Variants in HDAC4 observed in about 807,000 individuals in gnomAD.
The protein encoded by HDAC4 is histone deacetylase 4.
A neutral mutation model predicts 135.1 loss-of-function variants in HDAC4; 16 were observed. The observed-to-expected ratio is 0.12, with a 90% CI of 0.08 to 0.18. The LOEUF (loss-of-function observed/expected upper bound fraction) is 0.18, where lower values mean the gene tolerates loss of function less well. Ranked by LOEUF, HDAC4 falls within the 10% of genes least tolerant of loss-of-function variation. HDAC4 has a pLI of 1.00. For missense variants in HDAC4, 1,143 were observed against 1,511.8 expected, an observed-to-expected ratio of 0.76 and a Z score of 4.05; for synonymous variants, 685 against 653.4, an observed-to-expected ratio of 1.05 and a Z score of -0.74.
Position 239,139,896 on chromosome 2 carries a change from G to T in HDAC4, c.866-100C>A. 1 of 868,268 alleles carries T rather than the reference G, an allele frequency of 1.2e-6. No individual in the cohort carries two copies. The highest frequency in any genetic ancestry group is 1.9e-6 in the Non-Finnish European group (1 of 523,948). 53.8% of individuals were successfully genotyped at this position (868,268 alleles called of 1,614,324 possible). A position where few individuals can be genotyped will look rare whatever the true frequency, so the allele number is the denominator to read the frequency against. On this transcript the variant is annotated intron_variant, in intron 8 of 26. Transcript: ENST00000543185. This position sits in a 1 kb window ranked among gnomAD's most constrained non-coding sequence, Gnocchi z 5.3. ...CCCGGTGCCTTCCACGGACCTGCTC[G>T]TTAGCTTGCGACAGGCAGAAGTCCC...
intron 2 of HDAC4, among the ~76,000 whole-genome samples, chr2:239,290,944 T>C (rs534300849): frequency 3.9e-5 from 6 of 152,322 alleles, no homozygotes; most frequent in African/African-American, 1.4e-4. Flanking sequence ...GGTGGGGATT[T>C]TTCTTTAAAA....
chr2:239,196,268 T>C (rs2045373199), intron 3 of HDAC4, among the ~76,000 whole-genome samples: 1 of 152,132 alleles, frequency 6.6e-6, no homozygotes, highest in South Asian at 2.1e-4. Context: ...CCATCCATGC[T>C]GAAGAACAAG....
At chr2:239,372,530 C>T (rs1187836726) in intron 1 of HDAC4, among the ~76,000 whole-genome samples, 7 of 152,190 alleles carry the variant, frequency 4.6e-5, no homozygotes, top group African/African-American at 9.7e-5. Context: ...TCTGTGAGTG[C>T]CCAAAGACTC....
In HDAC4 at chr2:239,400,753, G is replaced by C. The variant is rs1342310200; in HGVS notation, c.-220+225C>G. The C allele has an allele frequency of 1.4e-5, 2 of 145,428 alleles. No individual in the cohort carries two copies. The highest frequency in any genetic ancestry group is 3.1e-5 in the Non-Finnish European group (2 of 65,476). The allele number at this position is 145,428 out of a possible 1,614,324, so 9.0% of individuals were successfully genotyped here. ...CGGCGCTCCGCGCCGCATCTCCTCA[G>C]CCTGCGCCGCCACCCGCCGGCGCGC... On this transcript the variant is annotated intron_variant, in intron 1 of 26. Transcript: ENST00000543185. The surrounding 1 kb of genome is among the most constrained non-coding windows in gnomAD (Gnocchi z 4.7).
At chr2:239,225,521 G>C (rs898199675) in intron 3 of HDAC4, among the ~76,000 whole-genome samples, 2 of 152,230 alleles carry the variant, frequency 1.3e-5, no homozygotes, top group African/African-American at 2.4e-5. Context: ...CCACCCCAGG[G>C]GGGGATGAGA....
chr2:239,134,730 C>T, intron 9 of HDAC4, 87 bp from the exon 10 acceptor site: 1 of 949,782 alleles, frequency 1.1e-6, no homozygotes, highest in Admixed American at 1.7e-5. Context: ...ATGAAAACAC[C>T]TGCACTGAAT....
Position 239,352,540 on chromosome 2 carries a change from C to G in HDAC4, c.22+138G>C. On this transcript the variant is annotated intron_variant, in intron 2 of 26. Coordinates refer to ENST00000543185, the MANE Select transcript of HDAC4 (RefSeq NM_001378414.1). This position sits in a 1 kb window ranked among gnomAD's most constrained non-coding sequence, Gnocchi z 4.4. ...TAAACCATCCATTTTGCACTTTGTG[C>G]TGTCAAAAACCAACAGTGACCACTA... is the stretch of plus-strand genomic sequence containing the variant. The G allele has an allele frequency of 1.3e-6, 1 of 783,034 alleles. No individual in the cohort carries two copies. Among genetic ancestry groups the G allele is most frequent in the Non-Finnish European group, 2.2e-6 (1 of 455,568 alleles). The allele number at this position is 783,034 out of a possible 1,614,324, so 48.5% of individuals were successfully genotyped here. A position where few individuals can be genotyped will look rare whatever the true frequency, so the allele number is the denominator to read the frequency against.
chr2:239,105,796 A>G (rs2038073215), intron 15 of HDAC4, among the ~76,000 whole-genome samples: 2 of 152,056 alleles, frequency 1.3e-5, no homozygotes, highest in South Asian at 4.2e-4. Flanking sequence ...CACTCTAACC[A>G]TGCCCCGTAC....
intron 7 of HDAC4, among the ~76,000 whole-genome samples, chr2:239,148,293 T>C (rs2041894133): frequency 6.6e-6 from 1 of 151,934 alleles, no homozygotes; most frequent in African/African-American, 2.4e-5. Flanking sequence ...AAGTTGAGAA[T>C]TGTCAGAAGG....
At chr2:239,062,409 C>T (rs931615080) in intron 24 of HDAC4, among the ~76,000 whole-genome samples, 14 of 152,380 alleles carry the variant, frequency 9.2e-5, no homozygotes, top group African/African-American at 2.6e-4. Context: ...CAAAGGCTGC[C>T]GGGCAGAGGG....
At chr2:239,279,982 C>T (rs569468324) in intron 2 of HDAC4, among the ~76,000 whole-genome samples, 18 of 152,252 alleles carry the variant, frequency 1.2e-4, no homozygotes, top group African/African-American at 4.3e-4. Flanking sequence ...TCCCACCTCT[C>T]GGGAGCATCT....
intron 18 of HDAC4, 27 bp from the exon 19 acceptor site, chr2:239,087,641 GA>G (rs1186455327): frequency 6.2e-7 from 1 of 1,611,188 alleles, no homozygotes; most frequent in Admixed American, 1.7e-5. Context: ...ACAGCCAGGA[GA>G]GAGCAACAAA....
At chr2:239,187,901 A>C (rs1200741621) in intron 4 of HDAC4, among the ~76,000 whole-genome samples, 1 of 152,168 alleles carries the variant, frequency 6.6e-6, no homozygotes, top group Non-Finnish European at 1.5e-5. Context: ...AAAAACGATA[A>C]AGCATGGACT....
intron 3 of HDAC4, among the ~76,000 whole-genome samples, chr2:239,219,309 G>C (rs1310474192): frequency 6.6e-6 from 1 of 152,106 alleles, no homozygotes; most frequent in Non-Finnish European, 1.5e-5. Flanking sequence ...ATGACTTCAT[G>C]TCCTTTGTAG....
At chr2:239,292,532 G>T (rs933197069) in intron 2 of HDAC4, among the ~76,000 whole-genome samples, 2 of 152,132 alleles carry the variant, frequency 1.3e-5, no homozygotes, top group African/African-American at 4.8e-5. Context: ...GGCATACTTG[G>T]CAGGGCCCAG....
At chr2:239,178,582 C>G (rs760687421) in intron 4 of HDAC4, among the ~76,000 whole-genome samples, 6 of 152,032 alleles carry the variant, frequency 3.9e-5, no homozygotes, top group Non-Finnish European at 8.8e-5. Context: ...CAAGATCTTG[C>G]TCTGTTGCTG....
At chr2:239,281,573 T>C (rs2050752751) in intron 2 of HDAC4, among the ~76,000 whole-genome samples, 1 of 144,648 alleles carries the variant, frequency 6.9e-6, no homozygotes, top group Non-Finnish European at 1.5e-5. Flanking sequence ...CACTCTACAA[T>C]GTACACACCA....
In HDAC4 at chr2:239,115,045, G is replaced by A; in HGVS notation, c.1791+8C>T. 5 of 1,609,106 alleles carry A rather than the reference G, an allele frequency of 3.1e-6. No homozygotes were observed. Among genetic ancestry groups the A allele is most frequent in the Non-Finnish European group, 4.2e-6 (5 of 1,179,722 alleles). On this transcript the variant is annotated splice_region_variant and intron_variant, in intron 13 of 26. Coordinates refer to ENST00000543185, the MANE Select transcript of HDAC4 (RefSeq NM_001378414.1). The surrounding 1 kb of genome is among the most constrained non-coding windows in gnomAD (Gnocchi z 6.3). ...CAGCCTTCTGGTGCCCTCCCCGCCT[G>A]CGGTCACCTGTCTGAAGAGCAGCTC... is the stretch of plus-strand genomic sequence containing the variant.
intron 6 of HDAC4, chr2:239,161,826 T>C (rs1347069722): frequency 5.1e-6 from 2 of 394,484 alleles, no homozygotes; most frequent in Non-Finnish European, 9.9e-6. Context: ...CCACCCCTCC[T>C]CCCTGGAAGC....
Sources: gnomAD v4.1 joint callset for allele counts (sites outside exome capture counted in the v4.1 genomes callset) on GRCh38, gnomAD v4.1.1 for gene constraint, Gnocchi (gnomAD v3.1) non-coding constraint, MANE v1.5 for transcripts, NCBI Gene and HGNC (gene_info 2026-07-23, HGNC 2026-07-21) for gene names.